The following SLC24A2 variants were observed in gnomAD, a reference collection of about 807,000 sequenced individuals.
SLC24A2 encodes solute carrier family 24 member 2.
A neutral mutation model predicts 62.0 loss-of-function variants in SLC24A2; 36 were observed. That is an observed-to-expected ratio of 0.58 (90% CI 0.44 to 0.77). The LOEUF is 0.77. SLC24A2 is among the 30% of genes least tolerant of loss of function. The pLI, the probability that SLC24A2 is intolerant of heterozygous loss-of-function variation, is 0.00. For missense variants in SLC24A2, 846 were observed against 817.9 expected, an observed-to-expected ratio of 1.03 and a Z score of -0.42; for synonymous variants, 358 against 294.0, an observed-to-expected ratio of 1.22 and a Z score of -2.23.
the SLC24A2 span, among the ~76,000 whole-genome samples, chr9:19,868,092 ATCTT>A: frequency 6.6e-6 from 1 of 151,478 alleles, no homozygotes; most frequent in Admixed American, 6.6e-5. Context: ...TTGATTTGAG[ATCTT>A]TCTTCTTTCT....
chr9:19,873,290 T>A, the SLC24A2 span, among the ~76,000 whole-genome samples: 2 of 151,838 alleles, frequency 1.3e-5, no homozygotes, highest in East Asian at 3.9e-4. Context: ...CTTTCTTTCT[T>A]CTTTTCTTTT....
At chr9:20,202,493 C>T in the SLC24A2 span, among the ~76,000 whole-genome samples, 2 of 152,042 alleles carry the variant, frequency 1.3e-5, no homozygotes, top group African/African-American at 4.8e-5. Flanking sequence ...AGGCTGTTTG[C>T]CAGGTGGGAA....
the SLC24A2 span, among the ~76,000 whole-genome samples, chr9:20,043,306 A>C: frequency 6.6e-6 from 1 of 152,210 alleles, no homozygotes; most frequent in Non-Finnish European, 1.5e-5. Flanking sequence ...AGAGTGATGA[A>C]TGTTGTTTTC....
the SLC24A2 span, among the ~76,000 whole-genome samples, chr9:19,922,137 C>G: frequency 1.3e-5 from 2 of 152,122 alleles, no homozygotes; most frequent in South Asian, 2.1e-4. Context: ...GAGCAACCAT[C>G]CAGTCTTTTA....
chr9:19,966,262 C>G, the SLC24A2 span, among the ~76,000 whole-genome samples: 5 of 152,134 alleles, frequency 3.3e-5, no homozygotes, highest in African/African-American at 1.2e-4. Flanking sequence ...TGGTATTTCT[C>G]TCTACTTCCC....
the SLC24A2 span, among the ~76,000 whole-genome samples, chr9:20,062,593 T>G: frequency 7.0e-6 from 1 of 143,400 alleles, no homozygotes; most frequent in Admixed American, 7.4e-5. Flanking sequence ...AAGGACTTCT[T>G]GTCTAAAACA....
chr9:19,692,228 G>A (rs561140243), intron 2 of SLC24A2, among the ~76,000 whole-genome samples: 242 of 152,226 alleles, frequency 1.6e-3, no homozygotes, highest in African/African-American at 5.6e-3. Context: ...AGCAGAACAA[G>A]TCATGTATCT....
chr9:20,188,982 T>C, the SLC24A2 span, among the ~76,000 whole-genome samples: 4 of 152,206 alleles, frequency 2.6e-5, no homozygotes, highest in South Asian at 8.3e-4. Flanking sequence ...GTGAGTTCCT[T>C]TGTTTACACA....
At chr9:20,036,215 G>A in the SLC24A2 span, among the ~76,000 whole-genome samples, 1 of 152,066 alleles carries the variant, frequency 6.6e-6, no homozygotes, top group Non-Finnish European at 1.5e-5. Context: ...ACAAATTTTA[G>A]TTGTATATAT....
At chr9:19,888,910 T>C in the SLC24A2 span, among the ~76,000 whole-genome samples, 15 of 152,190 alleles carry the variant, frequency 9.9e-5, no homozygotes, top group African/African-American at 3.4e-4. Context: ...ACCTGGTCTG[T>C]TTCTCCCTGA....
chr9:20,124,195 C>T, the SLC24A2 span, among the ~76,000 whole-genome samples: 1 of 151,924 alleles, frequency 6.6e-6, no homozygotes, highest in Non-Finnish European at 1.5e-5. Flanking sequence ...CCAATATATC[C>T]TGTCTTGGCA....
chr9:20,160,366 C>T, the SLC24A2 span, among the ~76,000 whole-genome samples: 16 of 151,454 alleles, frequency 1.1e-4, no homozygotes, highest in African/African-American at 3.4e-4. Context: ...ATACTACTCT[C>T]ATACTGACCT....
the SLC24A2 span, among the ~76,000 whole-genome samples, chr9:19,855,925 T>C: frequency 2.0e-5 from 3 of 152,218 alleles, no homozygotes; most frequent in Non-Finnish European, 4.4e-5. Flanking sequence ...GGTACCCTGA[T>C]CAGTCATAGG....
At chr9:20,125,149 T>C in the SLC24A2 span, among the ~76,000 whole-genome samples, 1 of 152,180 alleles carries the variant, frequency 6.6e-6, no homozygotes, top group South Asian at 2.1e-4. Flanking sequence ...CAAGGTGCTG[T>C]GAGATTTTTT....
At chr9:20,017,150 G>A in the SLC24A2 span, among the ~76,000 whole-genome samples, 1 of 152,062 alleles carries the variant, frequency 6.6e-6, no homozygotes, top group South Asian at 2.1e-4. Context: ...AGCCTCCTGA[G>A]TAGCTGGGAT....
chr9:20,303,194 A>G, the SLC24A2 span, among the ~76,000 whole-genome samples: 1 of 152,162 alleles, frequency 6.6e-6, no homozygotes, highest in Non-Finnish European at 1.5e-5. Flanking sequence ...ACGGGAGTAC[A>G]GTTACTATCC....
chr9:20,141,066 G>A, the SLC24A2 span, among the ~76,000 whole-genome samples: 1 of 152,054 alleles, frequency 6.6e-6, no homozygotes, highest in Non-Finnish European at 1.5e-5. Context: ...GGCTTTGGGA[G>A]CAGCAAAACC....
the SLC24A2 span, among the ~76,000 whole-genome samples, chr9:19,871,280 G>A: frequency 1.3e-5 from 2 of 152,070 alleles, no homozygotes; most frequent in South Asian, 4.1e-4. Flanking sequence ...TTTTCTTGCT[G>A]CTTTCAAGAT....
intron 2 of SLC24A2, among the ~76,000 whole-genome samples, chr9:19,737,177 A>T (rs1264964117): frequency 6.6e-6 from 1 of 152,228 alleles, no homozygotes; most frequent in African/African-American, 2.4e-5. Flanking sequence ...GGACAGGGGC[A>T]TGAAGACAGA....
Sources: gnomAD v4.1 joint callset for allele counts (sites outside exome capture counted in the v4.1 genomes callset) on GRCh38, gnomAD v4.1.1 for gene constraint, MANE v1.5 for transcripts, NCBI Gene and HGNC (gene_info 2026-07-23, HGNC 2026-07-21) for gene names.